HPSE2: variants seen among roughly 807,000 people sequenced by gnomAD.
The protein encoded by HPSE2 is inactive heparanase-2.
Under a neutral mutation model 60.5 loss-of-function variants are expected in HPSE2, and 38 were observed. That is an observed-to-expected ratio of 0.63 (90% CI 0.48 to 0.82). The LOEUF (loss-of-function observed/expected upper bound fraction) is 0.82. Ranked by LOEUF, HPSE2 falls within the 40% of genes least tolerant of loss-of-function variation. HPSE2 has a pLI of 0.00. For synonymous variants in HPSE2, 295 were observed against 293.2 expected (o/e 1.01, Z -0.06); for missense variants, 713 against 740.4 (o/e 0.96, Z 0.43).
intron 3 of HPSE2, among the ~76,000 whole-genome samples, chr10:98,851,020 C>A (rs1952160882): frequency 6.6e-6 from 1 of 152,174 alleles, no homozygotes; most frequent in African/African-American, 2.4e-5. Context: ...GAATTAATGT[C>A]AAACCGAGTT....
intron 3 of HPSE2, among the ~76,000 whole-genome samples, chr10:99,004,464 T>C (rs993965839): frequency 2.0e-5 from 3 of 152,100 alleles, no homozygotes; most frequent in Non-Finnish European, 1.5e-5. Flanking sequence ...GAGGCTTACA[T>C]AAAACCTTAT....
intron 3 of HPSE2, among the ~76,000 whole-genome samples, chr10:99,108,996 A>G (rs1190365275): frequency 6.6e-6 from 1 of 152,140 alleles, no homozygotes; most frequent in Non-Finnish European, 1.5e-5. Flanking sequence ...ATGTGTTGTC[A>G]TGAATCTCGG....
the HPSE2 span, among the ~76,000 whole-genome samples, chr10:99,243,416 G>A: frequency 4.6e-5 from 7 of 152,026 alleles, no homozygotes; most frequent in Admixed American, 4.6e-4. Context: ...TGAAACTAAT[G>A]CCAGCTCTAC....
intron 3 of HPSE2, among the ~76,000 whole-genome samples, chr10:98,825,636 G>A (rs1010418073): frequency 6.7e-6 from 1 of 150,232 alleles, no homozygotes; most frequent in African/African-American, 2.5e-5. Flanking sequence ...GGGGAGGTGT[G>A]GGGGGGAGTG....
intron 9 of HPSE2, among the ~76,000 whole-genome samples, chr10:98,566,268 T>C (rs1944342314): frequency 6.6e-6 from 1 of 152,218 alleles, no homozygotes; most frequent in Admixed American, 6.5e-5. Context: ...GCTAGGATGA[T>C]GACCTAGGAC....
chr10:98,827,229 G>A (rs569543556), intron 3 of HPSE2, among the ~76,000 whole-genome samples: 28 of 152,058 alleles, frequency 1.8e-4, no homozygotes, highest in Admixed American at 4.6e-4. Context: ...TTTTTGAGAC[G>A]GAGTCTTGCT....
intron 5 of HPSE2, among the ~76,000 whole-genome samples, chr10:98,701,383 C>T (rs1294144719): frequency 1.3e-5 from 2 of 149,386 alleles, no homozygotes; most frequent in Non-Finnish European, 3.0e-5. Flanking sequence ...AGTAAACTAT[C>T]GCAAGAACAA....
chr10:99,314,323 C>T, the HPSE2 span, among the ~76,000 whole-genome samples: 2 of 151,784 alleles, frequency 1.3e-5, no homozygotes, highest in Non-Finnish European at 2.9e-5. Context: ...CCACCATGCC[C>T]GGCTGATTTT....
At chr10:98,735,341 C>A (rs1190712558) in intron 4 of HPSE2, among the ~76,000 whole-genome samples, 1 of 71,104 alleles carries the variant, frequency 1.4e-5, no homozygotes, top group African/African-American at 5.4e-5. Context: ...GGTTTGGGAG[C>A]CTCTGCCTAG....
In HPSE2 at chr10:98,688,465, C is replaced by CTTTTTTTTTT. The variant is rs562095149; in HGVS notation, c.1004+5425_1004+5434dup. The stretch of plus-strand genomic sequence containing the variant: ...GTCTGAAGAATTTCCTTTAGCATTT[C>CTTTTTTTTTT]TTTTTTTTTTTCTTTTTTTTTTTTT... On this transcript the variant is annotated intron_variant, in intron 6 of 11. Transcript: ENST00000370552. Among the ~76,000 whole-genome samples, 179 of 103,672 alleles carry CTTTTTTTTTT rather than the reference C, an allele frequency of 1.7e-3. 6 individuals carry two copies. Among genetic ancestry groups the CTTTTTTTTTT allele is most frequent in the East Asian group, 3.4e-3 (12 of 3,522 alleles). The allele number at this position is 103,672 out of a possible 152,430, so 68.0% of individuals were successfully genotyped here. A position where few individuals can be genotyped will look rare whatever the true frequency, so the allele number is the denominator to read the frequency against.
At chr10:98,728,708 T>C (rs1949153020) in intron 4 of HPSE2, among the ~76,000 whole-genome samples, 2 of 152,200 alleles carry the variant, frequency 1.3e-5, no homozygotes, top group South Asian at 4.1e-4. Context: ...AAGAAACTAC[T>C]AAGAAAATAA....
chr10:98,602,414 G>A (rs1228280391), intron 9 of HPSE2, among the ~76,000 whole-genome samples: 2 of 152,156 alleles, frequency 1.3e-5, no homozygotes, highest in African/African-American at 4.8e-5. Context: ...ATTTGATTGA[G>A]CTGTGAGCAG....
chr10:99,183,601 T>TCCCTGCTATA (rs1564876672), intron 2 of HPSE2, among the ~76,000 whole-genome samples: 1 of 152,190 alleles, frequency 6.6e-6, no homozygotes, highest in Non-Finnish European at 1.5e-5. Context: ...ACCCCTAATT[T>TCCCTGCTATA]TAGTCAATCA....
chr10:98,642,518 C>A (rs2134038457), intron 6 of HPSE2, among the ~76,000 whole-genome samples: 1 of 152,292 alleles, frequency 6.6e-6, no homozygotes, highest in East Asian at 1.9e-4. Context: ...AATGAATGAA[C>A]AAACTAATGA....
intron 9 of HPSE2, among the ~76,000 whole-genome samples, chr10:98,546,434 T>C (rs971652544): frequency 3.4e-5 from 5 of 148,712 alleles, no homozygotes; most frequent in African/African-American, 1.2e-4. Context: ...CAAAACAGCA[T>C]GGTACTGGTA....
chr10:99,013,005 G>T, intron 3 of HPSE2: 1 of 319,468 alleles, frequency 3.1e-6, no homozygotes, highest in Non-Finnish European at 6.0e-6. Flanking sequence ...TAAATCAGTT[G>T]ATTATAAATA....
intron 3 of HPSE2, among the ~76,000 whole-genome samples, chr10:99,070,822 T>G (rs2135547024): frequency 6.6e-6 from 1 of 152,340 alleles, no homozygotes; most frequent in East Asian, 1.9e-4. Flanking sequence ...TCCATGTTGC[T>G]GCATATTTCA....
chr10:98,987,585 A>G (rs1268391462), intron 3 of HPSE2, among the ~76,000 whole-genome samples: 3 of 152,206 alleles, frequency 2.0e-5, no homozygotes, highest in Admixed American at 6.5e-5. Flanking sequence ...AACTGGCACA[A>G]GACAGGGATG....
chr10:98,511,598 T>TGTA (rs1942406386), intron 9 of HPSE2, among the ~76,000 whole-genome samples: 1 of 78,958 alleles, frequency 1.3e-5, no homozygotes, highest in South Asian at 4.2e-4. Flanking sequence ...GTGTGTGTGT[T>TGTA]TGTGTGTGTG....
Sources: gnomAD v4.1 joint callset for allele counts (sites outside exome capture counted in the v4.1 genomes callset) on GRCh38, gnomAD v4.1.1 for gene constraint, MANE v1.5 for transcripts, NCBI Gene and HGNC (gene_info 2026-07-23, HGNC 2026-07-21) for gene names.